Variants in SH3BGRL2 observed in about 807,000 individuals in gnomAD.
SH3BGRL2 encodes the protein SH3 domain-binding glutamic acid-rich-like protein 2.
Under a neutral mutation model 14.8 loss-of-function variants are expected in SH3BGRL2, and 21 were observed. The ratio of observed to expected loss-of-function variants is 1.42; its 90% CI spans 1.01 to 2.05. The LOEUF is 2.05. Among genes scored for constraint, SH3BGRL2 ranks in the 30% most tolerant of loss-of-function variants. The pLI is 0.00. For synonymous variants in SH3BGRL2, 50 were observed against 47.8 expected, an observed-to-expected ratio of 1.05 and a Z score of -0.19; for missense variants, 147 against 130.8, an observed-to-expected ratio of 1.12 and a Z score of -0.61.
At position 79,701,027 on chromosome 6, in the gene SH3BGRL2, A is replaced by G. The variant is rs910065296; in HGVS notation, c.*1518A>G. ...CCCCATGCCTTGCTAAATGTAGACTAAAGAACTTGTTGAATGCTAAGGCTG... is the reference window on the plus strand; with the variant it reads ...CCCCATGCCTTGCTAAATGTAGACTGAAGAACTTGTTGAATGCTAAGGCTG... On this transcript the variant is annotated 3_prime_UTR_variant, in exon 4 of 4. Transcript: ENST00000369838. The G allele has an allele frequency of 5.3e-5, 8 of 152,312 alleles. No individual in the cohort carries two copies. The highest frequency in any genetic ancestry group is 6.5e-5 in the Admixed American group (1 of 15,294). The allele number at this position is 152,312 out of a possible 1,614,324, so 9.4% of individuals were successfully genotyped here.
the SH3BGRL2 span, among the ~76,000 whole-genome samples, chr6:79,622,799 A>G: frequency 3.9e-5 from 6 of 152,202 alleles, no homozygotes; most frequent in Non-Finnish European, 7.3e-5. Context: ...ATTTTTAAAA[A>G]TTAATTATTT....
At chr6:79,546,551 T>G in the SH3BGRL2 span, among the ~76,000 whole-genome samples, 1 of 152,174 alleles carries the variant, frequency 6.6e-6, no homozygotes, top group African/African-American at 2.4e-5. Flanking sequence ...CATATTTGGC[T>G]TCTTGGAGAG....
At chr6:79,656,176 C>T (rs1372256222) in intron 1 of SH3BGRL2, among the ~76,000 whole-genome samples, 3 of 152,144 alleles carry the variant, frequency 2.0e-5, no homozygotes, top group Non-Finnish European at 4.4e-5. Flanking sequence ...CTAGAGGAGA[C>T]ATGAGGGTTT....
chr6:79,697,512 CCTGTAG>C (rs1770355879), intron 3 of SH3BGRL2, among the ~76,000 whole-genome samples: 1 of 152,146 alleles, frequency 6.6e-6, no homozygotes, highest in South Asian at 2.1e-4. Flanking sequence ...CTCTGGCATA[CCTGTAG>C]GAAGAAGGCA....
the SH3BGRL2 span, among the ~76,000 whole-genome samples, chr6:79,552,546 A>T: frequency 2.0e-5 from 3 of 152,122 alleles, no homozygotes; most frequent in South Asian, 6.2e-4. Context: ...TTGAGTTACC[A>T]CAAAAGAGGG....
intron 1 of SH3BGRL2, among the ~76,000 whole-genome samples, chr6:79,645,016 T>C (rs565879808): frequency 6.6e-6 from 1 of 152,008 alleles, no homozygotes; most frequent in South Asian, 2.1e-4. Context: ...AAAAATTAGC[T>C]GGGTGTGCTG....
At chr6:79,696,301 T>C (rs1032339316) in intron 2 of SH3BGRL2, among the ~76,000 whole-genome samples, 184 bp from the exon 3 acceptor site, 4 of 152,218 alleles carry the variant, frequency 2.6e-5, no homozygotes, top group Admixed American at 6.5e-5. Flanking sequence ...GTTACATTCT[T>C]CATCATACTA....
Position 79,699,811 on chromosome 6 carries a change from C to T in SH3BGRL2, c.*302C>T. The T allele has an allele frequency of 2.7e-6, 1 of 375,972 alleles. No homozygotes were observed. The highest frequency in any genetic ancestry group is 1.2e-4 in the South Asian group (1 of 8,366). 23.3% of individuals were successfully genotyped at this position (375,972 alleles called of 1,614,324 possible). A position where few individuals can be genotyped will look rare whatever the true frequency, so the allele number is the denominator to read the frequency against. On this transcript the variant is annotated 3_prime_UTR_variant, in exon 4 of 4. Coordinates refer to ENST00000369838, the MANE Select transcript of SH3BGRL2 (RefSeq NM_031469.4). Reference sequence around the variant, plus strand: ...TAATGACTGAAAGATAAGTGGGTAGCACCGTCAGAGAGAAAATGTTGGATC... The same window carrying T: ...TAATGACTGAAAGATAAGTGGGTAGTACCGTCAGAGAGAAAATGTTGGATC...
the SH3BGRL2 span, among the ~76,000 whole-genome samples, chr6:79,579,402 A>T: frequency 6.6e-6 from 1 of 152,218 alleles, no homozygotes; most frequent in South Asian, 2.1e-4. Flanking sequence ...CCAGAGACAA[A>T]GGTTGAGTTA....
chr6:79,696,359 C>G lies in SH3BGRL2; in HGVS notation c.232-126C>G. On this transcript the variant is annotated intron_variant, in intron 2 of 3. Coordinates refer to ENST00000369838, the MANE Select transcript of SH3BGRL2 (RefSeq NM_031469.4). The stretch of plus-strand genomic sequence containing the variant: ...AGACTAATTCAGCAGATTTATTTAG[C>G]TTTTCCCTGATCTGGACAGAGCAAT... The G allele has an allele frequency of 9.4e-6, 6 of 638,372 alleles. No individual in the cohort carries two copies. The South Asian group carries it at 1.1e-4, about 12-fold the overall frequency. The allele number at this position is 638,372 out of a possible 1,614,324, so 39.5% of individuals were successfully genotyped here.
chr6:79,565,540 T>TATC, the SH3BGRL2 span, among the ~76,000 whole-genome samples: 150,284 of 152,214 alleles, frequency 0.99, 74,219 homozygotes, highest in East Asian at 1. Context: ...TGTTATTTGG[T>TATC]ATCACAATGC....
At chr6:79,562,011 A>G in the SH3BGRL2 span, among the ~76,000 whole-genome samples, 1 of 152,326 alleles carries the variant, frequency 6.6e-6, no homozygotes, top group Non-Finnish European at 1.5e-5. Context: ...AAGCTAGCCC[A>G]CAGCTCTCTA....
chr6:79,650,556 A>T (rs1474581752), intron 1 of SH3BGRL2, among the ~76,000 whole-genome samples: 1 of 152,206 alleles, frequency 6.6e-6, no homozygotes, highest in Non-Finnish European at 1.5e-5. Flanking sequence ...GCATCTATTC[A>T]TGCCAGGCAT....
At chr6:79,663,156 G>A (rs908170291) in intron 1 of SH3BGRL2, among the ~76,000 whole-genome samples, 2 of 152,088 alleles carry the variant, frequency 1.3e-5, no homozygotes, top group Non-Finnish European at 2.9e-5. Context: ...CTGTCTACTC[G>A]TCAAAGTCAT....
intron 1 of SH3BGRL2, among the ~76,000 whole-genome samples, chr6:79,638,527 T>C (rs1768969931): frequency 6.6e-6 from 1 of 152,312 alleles, no homozygotes; most frequent in East Asian, 1.9e-4. Flanking sequence ...ACTTCCATAC[T>C]GTTCACTATA....
intron 1 of SH3BGRL2, among the ~76,000 whole-genome samples, chr6:79,645,648 C>T (rs563961514): frequency 8.6e-5 from 13 of 152,046 alleles, no homozygotes; most frequent in Non-Finnish European, 1.8e-4. Flanking sequence ...AAGATTATAT[C>T]GAGAAGGCTA....
At chr6:79,540,296 G>A in the SH3BGRL2 span, among the ~76,000 whole-genome samples, 12 of 152,002 alleles carry the variant, frequency 7.9e-5, no homozygotes, top group African/African-American at 2.2e-4. Flanking sequence ...TGAGCTGGGC[G>A]TGGTGGCGGG....
At chr6:79,669,735 G>A (rs756242265) in intron 1 of SH3BGRL2, among the ~76,000 whole-genome samples, 9 of 152,030 alleles carry the variant, frequency 5.9e-5, no homozygotes, top group Admixed American at 5.2e-4. Flanking sequence ...GTGACCCACC[G>A]CACCCAGCCA....
the SH3BGRL2 span, among the ~76,000 whole-genome samples, chr6:79,606,673 T>G: frequency 6.6e-6 from 1 of 152,242 alleles, no homozygotes; most frequent in Non-Finnish European, 1.5e-5. Flanking sequence ...TTTTGTCATG[T>G]AAACTCAGGA....
Sources: allele counts gnomAD v4.1 joint callset (sites outside exome capture counted in the v4.1 genomes callset), GRCh38; gene constraint gnomAD v4.1.1; transcripts MANE v1.5; gene names NCBI Gene and HGNC (gene_info 2026-07-23, HGNC 2026-07-21).